PCDH9: variants seen among roughly 807,000 people sequenced by gnomAD.
PCDH9 encodes the protein protocadherin 9.
In PCDH9, 24 loss-of-function variants were observed where a neutral mutation model predicts 70.6. The ratio of observed to expected loss-of-function variants is 0.34; its 90% CI spans 0.25 to 0.48. The LOEUF is 0.48. PCDH9 is among the 20% of genes least tolerant of loss of function. The probability of loss-of-function intolerance (pLI) is 0.99; values close to 1 mark genes in which losing one functional copy is unlikely to be tolerated. For synonymous variants in PCDH9, 562 were observed against 558.5 expected (o/e 1.01, Z -0.09); for missense variants, 1,281 against 1,503.6 (o/e 0.85, Z 2.45).
chr13:67,067,838 T>G (rs1187261922), intron 2 of PCDH9, among the ~76,000 whole-genome samples: 1 of 151,854 alleles, frequency 6.6e-6, no homozygotes, highest in Non-Finnish European at 1.5e-5. Flanking sequence ...ACTAGTTTGG[T>G]AGATAGGATC....
At chr13:67,157,943 A>G (rs913311187) in intron 2 of PCDH9, among the ~76,000 whole-genome samples, 20 of 152,202 alleles carry the variant, frequency 1.3e-4, no homozygotes, top group African/African-American at 4.8e-4. Flanking sequence ...GGGGGTTGAC[A>G]TTAATTAAAA....
At chr13:66,650,277 G>A (rs980050400) in intron 3 of PCDH9, among the ~76,000 whole-genome samples, 6 of 151,838 alleles carry the variant, frequency 4.0e-5, no homozygotes, top group Non-Finnish European at 5.9e-5. Flanking sequence ...TGAAAATAAA[G>A]GGATAGGAAA....
At chr13:67,119,381 T>C (rs1179253770) in intron 2 of PCDH9, among the ~76,000 whole-genome samples, 1 of 152,184 alleles carries the variant, frequency 6.6e-6, no homozygotes, top group African/African-American at 2.4e-5. Flanking sequence ...ACTGCATTAG[T>C]AAGTAAGCTG....
At chr13:66,847,141 A>T (rs1226258045) in intron 3 of PCDH9, among the ~76,000 whole-genome samples, 1 of 152,198 alleles carries the variant, frequency 6.6e-6, no homozygotes, top group Non-Finnish European at 1.5e-5. Context: ...ATTTGCATTA[A>T]TGTTGTCACC....
intron 3 of PCDH9, among the ~76,000 whole-genome samples, chr13:66,729,816 T>C (rs2079049349): frequency 6.6e-6 from 1 of 152,164 alleles, no homozygotes; most frequent in African/African-American, 2.4e-5. Context: ...CTTTTATGCA[T>C]TGATGATCCT....
chr13:66,912,532 C>CACAA (rs1455835688), intron 2 of PCDH9, among the ~76,000 whole-genome samples: 1 of 151,926 alleles, frequency 6.6e-6, no homozygotes, highest in African/African-American at 2.4e-5. Flanking sequence ...CACACACACA[C>CACAA]ACATACACAC....
At chr13:67,083,521 G>T (rs1206321622) in intron 2 of PCDH9, among the ~76,000 whole-genome samples, 1 of 152,060 alleles carries the variant, frequency 6.6e-6, no homozygotes, top group Admixed American at 6.6e-5. Context: ...AATCAGCTCT[G>T]GGACTTTACT....
At chr13:66,696,497 A>C (rs1468087501) in intron 3 of PCDH9, among the ~76,000 whole-genome samples, 1 of 152,216 alleles carries the variant, frequency 6.6e-6, no homozygotes, top group Non-Finnish European at 1.5e-5. Context: ...TTCCATAAAG[A>C]AGCAGCAGTA....
chr13:66,799,738 T>G (rs1388553163), intron 3 of PCDH9, among the ~76,000 whole-genome samples: 1 of 152,186 alleles, frequency 6.6e-6, no homozygotes, highest in East Asian at 1.9e-4. Flanking sequence ...TGTCAAAACC[T>G]CACCTTCTGT....
At chr13:67,203,608 T>C (rs1313854220) in intron 2 of PCDH9, 1 of 152,156 alleles carries the variant, frequency 6.6e-6, no homozygotes, top group African/African-American at 2.4e-5. Flanking sequence ...TTTTGCTAAT[T>C]CTTGCATAGC....
chr13:66,851,981 G>A (rs1331874452), intron 3 of PCDH9, among the ~76,000 whole-genome samples: 1 of 151,850 alleles, frequency 6.6e-6, no homozygotes, highest in African/African-American at 2.4e-5. Flanking sequence ...CCTTTCCTCT[G>A]ATTGTGGGTA....
rs144764262 is a variant in PCDH9 at position 66,769,229 on chromosome 13, GT to G, written c.3138+134274del. 4.6e-3 allele frequency among the ~76,000 whole-genome samples: 706 copies of G among 152,110 alleles called. 6 individuals are homozygous for G. The highest frequency in any genetic ancestry group is 0.016 in the African/African-American group (680 of 41,500). ...ATAAAGTGAAATATGAAAAAAAAAT[GT>G]TCTTTGAGAGGAAGAGACCTAATTA... On this transcript the variant is annotated intron_variant, in intron 3 of 4. Transcript: ENST00000377865.
chr13:66,906,397 C>A (rs1594239249), intron 2 of PCDH9, among the ~76,000 whole-genome samples: 1 of 152,124 alleles, frequency 6.6e-6, no homozygotes, highest in African/African-American at 2.4e-5. Flanking sequence ...AATTCAATAG[C>A]ACAACATATA....
intron 2 of PCDH9, among the ~76,000 whole-genome samples, chr13:66,954,014 G>A (rs1158363275): frequency 6.6e-6 from 1 of 152,148 alleles, no homozygotes; most frequent in Non-Finnish European, 1.5e-5. Flanking sequence ...TTCACACTAG[G>A]TAGCTAAATT....
intron 4 of PCDH9, among the ~76,000 whole-genome samples, chr13:66,462,625 C>A (rs2089177010): frequency 6.6e-6 from 1 of 151,776 alleles, no homozygotes; most frequent in Admixed American, 6.6e-5. Context: ...ATGGCCTGGG[C>A]TTTGAAACAT....
At chr13:66,570,659 C>T (rs1302787210) in intron 4 of PCDH9, among the ~76,000 whole-genome samples, 1 of 151,944 alleles carries the variant, frequency 6.6e-6, no homozygotes, top group Non-Finnish European at 1.5e-5. Context: ...TGAACACAAA[C>T]TAAGGAAAAC....
At chr13:66,782,642 T>C (rs910849606) in intron 3 of PCDH9, 4 of 152,154 alleles carry the variant, frequency 2.6e-5, no homozygotes, top group Non-Finnish European at 5.9e-5. Context: ...TTAATTACAA[T>C]TTATTTTCGC....
At chr13:66,479,302 T>A (rs1289808893) in intron 4 of PCDH9, among the ~76,000 whole-genome samples, 1 of 152,220 alleles carries the variant, frequency 6.6e-6, no homozygotes, top group Non-Finnish European at 1.5e-5. Context: ...GATTAATGTT[T>A]TCATGCCTGC....
chr13:66,630,500 C>A (rs2077555718), intron 4 of PCDH9, among the ~76,000 whole-genome samples: 1 of 152,184 alleles, frequency 6.6e-6, no homozygotes, highest in Non-Finnish European at 1.5e-5. Flanking sequence ...AAGGAAAACA[C>A]CCCCCAACAA....
Sources: allele counts gnomAD v4.1 joint callset (sites outside exome capture counted in the v4.1 genomes callset), GRCh38; gene constraint gnomAD v4.1.1; transcripts MANE v1.5; gene names NCBI Gene and HGNC (gene_info 2026-07-23, HGNC 2026-07-21).